Variants in ADGB observed in about 807,000 individuals in gnomAD.
ADGB encodes androglobin, also known as calpain-7-like protein.
A neutral mutation model predicts 210.5 loss-of-function variants in ADGB; 172 were observed. That is an observed-to-expected ratio of 0.82 (90% CI 0.72 to 0.93). The LOEUF is 0.93. ADGB is among the 40% of genes least tolerant of loss of function. The pLI, the probability that ADGB is intolerant of heterozygous loss-of-function variation, is 0.00. For synonymous variants in ADGB, 658 were observed against 662.7 expected (o/e 0.99, Z 0.11); for missense variants, 2,025 against 1,964.8 (o/e 1.03, Z -0.58).
chr6:146,700,823 G>A, intron 12 of ADGB, 118 bp from the exon 13 acceptor site: 1 of 1,195,678 alleles, frequency 8.4e-7, no homozygotes, highest in Non-Finnish European at 1.1e-6. Flanking sequence ...AAAAGAATGA[G>A]AATGACAAAT....
In ADGB at chr6:146,633,669, T is replaced by G. The variant is rs118096975; in HGVS notation, c.75-1706T>G. 6.4e-4 allele frequency among the ~76,000 whole-genome samples: 98 copies of G among 152,218 alleles called. No individual in the cohort carries two copies. In the East Asian group the frequency reaches 0.015, roughly 23 times the overall value. ...CTCACTTTCTTTTATTATTTAAATA[T>G]TGCCTTACTATAGATATTTTCCTTA... On this transcript the variant is annotated intron_variant, in intron 1 of 35. Coordinates refer to ENST00000397944, the MANE Select transcript of ADGB (RefSeq NM_024694.4).
At chr6:146,801,803 A>G (rs1778137744) in intron 34 of ADGB, 25 bp from the exon 35 acceptor site, 2 of 1,515,874 alleles carry the variant, frequency 1.3e-6, no homozygotes, top group Non-Finnish European at 1.8e-6. Flanking sequence ...TGAAATCTGT[A>G]TCTTTTGATG....
Position 146,795,548 on chromosome 6 carries a change from A to G in ADGB, c.4538-5635A>G, listed in dbSNP as rs142038663. ...TACATGCAGCCAATAAGCACATGAA[A>G]AAAAGCTCAATGTCACTGATCATTA... On this transcript the variant is annotated intron_variant, in intron 33 of 35. Coordinates refer to ENST00000397944, the MANE Select transcript of ADGB (RefSeq NM_024694.4). 8.6e-3 allele frequency among the ~76,000 whole-genome samples: 1,316 copies of G among 152,324 alleles called. 5 individuals carry two copies. Among genetic ancestry groups the G allele is most frequent in the Non-Finnish European group, 0.014 (946 of 68,030 alleles).
rs1777149553 is a variant in ADGB at position 146,740,493 on chromosome 6, T to A, written c.2923T>A (p.Ser975Thr). 1.3e-6 allele frequency: 2 copies of A among 1,548,580 alleles called. No individual in the cohort carries two copies. Among genetic ancestry groups the A allele is most frequent in the Non-Finnish European group, 1.7e-6 (2 of 1,145,002 alleles). ...TAAAAGCAAGTGCAAGTCTTTGGAATCTTATCCATGCTATCAAGATGAAGA... is the reference window on the plus strand; with the variant it reads ...TAAAAGCAAGTGCAAGTCTTTGGAAACTTATCCATGCTATCAAGATGAAGA... ...MFKSKCKSLE[S>T]YPCYQDEETK... Residue 975 changes from serine to threonine, a missense_variant, in exon 24 of 36, where the codon TCT (serine) becomes ACT (threonine). Coordinates refer to ENST00000397944, the MANE Select transcript of ADGB (RefSeq NM_024694.4).
chr6:146,814,802 T>C (rs1778358495), intron 35 of ADGB, among the ~76,000 whole-genome samples: 2 of 152,224 alleles, frequency 1.3e-5, no homozygotes, highest in African/African-American at 4.8e-5. Flanking sequence ...TTGACTATTT[T>C]TTCTACAAAT....
chr6:146,617,623 G>A (rs944389866), intron 1 of ADGB, among the ~76,000 whole-genome samples: 6 of 151,498 alleles, frequency 4.0e-5, no homozygotes, highest in South Asian at 4.2e-4. Context: ...CCTTCTATGC[G>A]CAATTTATGT....
chr6:146,657,428 G>T (rs2153612), intron 5 of ADGB, among the ~76,000 whole-genome samples: 1 of 151,956 alleles, frequency 6.6e-6, no homozygotes, highest in Admixed American at 6.6e-5. Flanking sequence ...AGTTTTTATA[G>T]GATATCAATT....
At chr6:146,753,795 T>C (rs1777361106) in intron 27 of ADGB, among the ~76,000 whole-genome samples, 1 of 151,952 alleles carries the variant, frequency 6.6e-6, no homozygotes, top group Admixed American at 6.6e-5. Context: ...GTTTAGAATA[T>C]ATAATTTTAC....
Position 146,815,198 on chromosome 6 carries a change from A to AG in ADGB, c.4986dup (p.Lys1663GlufsTer24), listed in dbSNP as rs1562309648. Reference sequence around the variant, plus strand: ...CCAGCTCCTGACACACAGAAAAAAAAGAAAGGAAAGAAAAAGTAACCAGGG... The same window carrying AG: ...CCAGCTCCTGACACACAGAAAAAAAAGGAAAGGAAAGAAAAAGTAACCAGGG... On this transcript the variant is annotated frameshift_variant, in exon 36 of 36. Transcript: ENST00000397944. LOFTEE classifies it high-confidence loss of function. The AG allele has an allele frequency of 1.3e-6, 2 of 1,506,022 alleles. No individual in the cohort carries two copies. Among genetic ancestry groups the AG allele is most frequent in the South Asian group, 2.7e-5 (2 of 75,050 alleles). The allele number at this position is 1,506,022 out of a possible 1,614,324, so 93.3% of individuals were successfully genotyped here.
At chr6:146,774,801 C>G (rs1242610009) in intron 29 of ADGB, among the ~76,000 whole-genome samples, 2 of 152,148 alleles carry the variant, frequency 1.3e-5, no homozygotes, top group Non-Finnish European at 2.9e-5. Flanking sequence ...TAGAAAAATT[C>G]AGTTACTAAT....
intron 19 of ADGB, among the ~76,000 whole-genome samples, chr6:146,727,050 A>G (rs1776905339): frequency 6.6e-6 from 1 of 152,090 alleles, no homozygotes; most frequent in East Asian, 1.9e-4. Flanking sequence ...CAATGGGACC[A>G]GTATGTCCCC....
chr6:146,802,087 A>G, intron 35 of ADGB, 76 bp downstream of exon 35: 3 of 1,025,502 alleles, frequency 2.9e-6, no homozygotes, highest in South Asian at 5.0e-5. Context: ...ATATAATTAA[A>G]TAATATTTTG....
chr6:146,707,031 A>C (rs1776584217), intron 13 of ADGB, among the ~76,000 whole-genome samples: 1 of 151,554 alleles, frequency 6.6e-6, no homozygotes, highest in African/African-American at 2.4e-5. Context: ...GCATCCTATA[A>C]ATTTTGATAT....
intron 16 of ADGB, among the ~76,000 whole-genome samples, chr6:146,720,861 C>G (rs180933623): frequency 6.6e-6 from 1 of 152,134 alleles, no homozygotes; most frequent in Non-Finnish European, 1.5e-5. Flanking sequence ...CCTCCTTCAA[C>G]GTGTGGGGAT....
At chr6:146,685,227 T>C (rs181295946) in intron 9 of ADGB, among the ~76,000 whole-genome samples, 57 of 152,156 alleles carry the variant, frequency 3.7e-4, no homozygotes, top group African/African-American at 1.2e-3. Flanking sequence ...TCTACCAGCA[T>C]TAAACATTTC....
chr6:146,696,692 A>T (rs1776408155), intron 12 of ADGB, among the ~76,000 whole-genome samples: 2 of 152,166 alleles, frequency 1.3e-5, no homozygotes, highest in Non-Finnish European at 2.9e-5. Context: ...TGCTTTGGTG[A>T]GATGTCAAAG....
At chr6:146,640,986 A>T (rs1775504291) in intron 2 of ADGB, among the ~76,000 whole-genome samples, 1 of 152,012 alleles carries the variant, frequency 6.6e-6, no homozygotes, top group Non-Finnish European at 1.5e-5. Context: ...CTGTTTGAAG[A>T]CGACATAATT....
At chr6:146,781,074 T>TC (rs1777791308) in intron 29 of ADGB, among the ~76,000 whole-genome samples, 1 of 148,162 alleles carries the variant, frequency 6.7e-6, no homozygotes, top group South Asian at 2.1e-4. Flanking sequence ...ACGCCTGTAA[T>TC]CCCAGCACTT....
At chr6:146,671,778 G>A (rs115383688) in intron 7 of ADGB, among the ~76,000 whole-genome samples, 3,076 of 152,186 alleles carry the variant, frequency 0.02, 110 homozygotes, top group African/African-American at 0.069. Context: ...CAGGAAAGAG[G>A]GATGTTATGG....
Sources: gnomAD v4.1 joint callset for allele counts (sites outside exome capture counted in the v4.1 genomes callset) on GRCh38, gnomAD v4.1.1 for gene constraint, MANE v1.5 for transcripts, NCBI Gene and HGNC (gene_info 2026-07-23, HGNC 2026-07-21) for gene names.